SEMA5A: variants seen among roughly 807,000 people sequenced by gnomAD.
SEMA5A encodes semaphorin-5A.
Under a neutral mutation model 135.5 loss-of-function variants are expected in SEMA5A, and 55 were observed. That is an observed-to-expected ratio of 0.41 (90% CI 0.33 to 0.51). SEMA5A has a LOEUF of 0.51. Ranked by LOEUF, SEMA5A falls within the 20% of genes least tolerant of loss-of-function variation. The pLI is 0.37. For synonymous variants in SEMA5A, 580 were observed against 546.5 expected, an observed-to-expected ratio of 1.06 and a Z score of -0.85; for missense variants, 1,290 against 1,419.9, an observed-to-expected ratio of 0.91 and a Z score of 1.47.
At chr5:9,389,258 C>G (rs773071865) in intron 2 of SEMA5A, among the ~76,000 whole-genome samples, 2 of 151,802 alleles carry the variant, frequency 1.3e-5, no homozygotes, top group Non-Finnish European at 2.9e-5. Flanking sequence ...TCTGAATGTT[C>G]ATTGTTTTCT....
intron 13 of SEMA5A, among the ~76,000 whole-genome samples, chr5:9,125,779 C>T (rs906099271): frequency 1.3e-5 from 2 of 152,132 alleles, no homozygotes; most frequent in Non-Finnish European, 2.9e-5. Flanking sequence ...TGCATGACAA[C>T]GTGACTCAAG....
intron 4 of SEMA5A, among the ~76,000 whole-genome samples, chr5:9,318,629 T>C (rs1356327327): frequency 6.6e-6 from 1 of 152,208 alleles, no homozygotes; most frequent in Non-Finnish European, 1.5e-5. Flanking sequence ...GTGAGAAAGC[T>C]AACGAATAAG....
intron 1 of SEMA5A, among the ~76,000 whole-genome samples, chr5:9,533,392 A>C (rs1232095219): frequency 6.6e-6 from 1 of 152,200 alleles, no homozygotes; most frequent in Non-Finnish European, 1.5e-5. Context: ...TAGACCTTTC[A>C]CTTTAGTGTA....
intron 1 of SEMA5A, among the ~76,000 whole-genome samples, chr5:9,461,696 T>A (rs1396061014): frequency 6.6e-6 from 1 of 152,144 alleles, no homozygotes; most frequent in Non-Finnish European, 1.5e-5. Context: ...GCGGTGTAAT[T>A]AGAGATACTT....
At chr5:9,486,123 A>G (rs1430568163) in intron 1 of SEMA5A, among the ~76,000 whole-genome samples, 3 of 152,178 alleles carry the variant, frequency 2.0e-5, no homozygotes, top group African/African-American at 4.8e-5. Flanking sequence ...GTCTTCAGGG[A>G]CATGGATGAA....
At chr5:9,124,386 C>A (rs139417673) in intron 13 of SEMA5A, among the ~76,000 whole-genome samples, 1 of 152,260 alleles carries the variant, frequency 6.6e-6, no homozygotes, top group East Asian at 1.9e-4. Context: ...ACATCACATG[C>A]CCAGAAACCA....
At chr5:9,130,759 C>A in intron 13 of SEMA5A, among the ~76,000 whole-genome samples, 1 of 152,220 alleles carries the variant, frequency 6.6e-6, no homozygotes, top group East Asian at 1.9e-4. Flanking sequence ...CTCACCTACT[C>A]TCTAAGCATC....
At chr5:9,208,928 T>C (rs1164964483) in intron 8 of SEMA5A, among the ~76,000 whole-genome samples, 1 of 152,142 alleles carries the variant, frequency 6.6e-6, no homozygotes, top group African/African-American at 2.4e-5. Context: ...ATTGAGCCCC[T>C]TGACAGAAAA....
chr5:9,477,219 G>C lies in SEMA5A; in HGVS notation c.-174-39367C>G, dbSNP rs137885441. Reference sequence around the variant, plus strand: ...GAGGCCTCACCAGCCATGCAGAACTGTGAGTAAATTAAATCTCTTTTCTTT... The same window carrying C: ...GAGGCCTCACCAGCCATGCAGAACTCTGAGTAAATTAAATCTCTTTTCTTT... On this transcript the variant is annotated intron_variant, in intron 1 of 22. Coordinates refer to ENST00000382496, the MANE Select transcript of SEMA5A (RefSeq NM_003966.3). Among the ~76,000 whole-genome samples the C allele has an allele frequency of 4.4e-4, 67 of 152,280 alleles. No homozygotes were observed. The East Asian group carries it at 0.013, about 29-fold the overall frequency.
At chr5:9,182,700 A>G (rs1744587658) in intron 11 of SEMA5A, among the ~76,000 whole-genome samples, 1 of 150,952 alleles carries the variant, frequency 6.6e-6, no homozygotes, top group African/African-American at 2.4e-5. Context: ...CTCAGTTACA[A>G]TGCAATGACA....
chr5:9,345,595 A>G (rs997207177), intron 3 of SEMA5A, among the ~76,000 whole-genome samples: 3 of 151,764 alleles, frequency 2.0e-5, no homozygotes, highest in Non-Finnish European at 4.4e-5. Context: ...TTTCTAAATG[A>G]TAGTATTTTA....
chr5:9,326,643 G>A (rs925982637), intron 4 of SEMA5A, among the ~76,000 whole-genome samples: 2 of 152,104 alleles, frequency 1.3e-5, no homozygotes, highest in African/African-American at 2.4e-5. Flanking sequence ...TTAGCTGGGC[G>A]TAGTGGTGCA....
chr5:9,489,172 C>G (rs1734877632), intron 1 of SEMA5A, among the ~76,000 whole-genome samples: 1 of 152,042 alleles, frequency 6.6e-6, no homozygotes, highest in African/African-American at 2.4e-5. Context: ...AGCTTTGGCC[C>G]AAATAAAAGA....
chr5:9,474,813 A>T (rs572679923), intron 1 of SEMA5A, among the ~76,000 whole-genome samples: 12 of 152,232 alleles, frequency 7.9e-5, no homozygotes, highest in African/African-American at 2.9e-4. Context: ...ATACCAGCTT[A>T]CACCAGCCAA....
At chr5:9,168,287 G>C (rs1183846248) in intron 11 of SEMA5A, among the ~76,000 whole-genome samples, 1 of 152,154 alleles carries the variant, frequency 6.6e-6, no homozygotes, top group Non-Finnish European at 1.5e-5. Flanking sequence ...TGGGCCTGAG[G>C]ACCATCGTCA....
At chr5:9,049,486 G>C (rs1310429822) in intron 21 of SEMA5A, among the ~76,000 whole-genome samples, 2 of 152,182 alleles carry the variant, frequency 1.3e-5, no homozygotes, top group Admixed American at 6.5e-5. Context: ...AATCAAGGTA[G>C]TTAATAATGG....
chr5:9,227,271 T>C (rs994980159), intron 6 of SEMA5A, among the ~76,000 whole-genome samples: 19 of 152,196 alleles, frequency 1.2e-4, no homozygotes, highest in Admixed American at 9.8e-4. Flanking sequence ...TCTCAAAGCA[T>C]GCATCTAATT....
intron 3 of SEMA5A, among the ~76,000 whole-genome samples, chr5:9,378,079 C>A (rs1223845477): frequency 6.6e-6 from 1 of 152,004 alleles, no homozygotes. Flanking sequence ...TGTTGAAATT[C>A]ATGTATTAAT....
chr5:9,197,780 G>A (rs55959051), intron 9 of SEMA5A, among the ~76,000 whole-genome samples: 2,194 of 103,260 alleles, frequency 0.021, 41 homozygotes, highest in Non-Finnish European at 0.021. Flanking sequence ...GTGTGTGTGT[G>A]TGTGTTTTAA....
Sources: gnomAD v4.1 joint callset for allele counts (sites outside exome capture counted in the v4.1 genomes callset) on GRCh38, gnomAD v4.1.1 for gene constraint, MANE v1.5 for transcripts, NCBI Gene and HGNC (gene_info 2026-07-23, HGNC 2026-07-21) for gene names.